COL28A1: variants seen among roughly 807,000 people sequenced by gnomAD.
The protein encoded by COL28A1 is collagen type XXVIII alpha 1 chain, also known as collagen alpha-1(XXVIII) chain.
Under a neutral mutation model 150.2 loss-of-function variants are expected in COL28A1, and 161 were observed. The ratio of observed to expected loss-of-function variants is 1.07; its 90% CI spans 0.94 to 1.22. COL28A1 has a LOEUF of 1.22. Ranked by LOEUF, COL28A1 falls within the 50% of genes most tolerant of loss-of-function variation. The pLI, the probability that COL28A1 is intolerant of heterozygous loss-of-function variation, is 0.00. For synonymous variants in COL28A1, 552 were observed against 469.7 expected (o/e 1.18, Z -2.26); for missense variants, 1,617 against 1,388.3 (o/e 1.16, Z -2.62).
At chr7:7,508,520 C>A (rs939525274) in intron 9 of COL28A1, among the ~76,000 whole-genome samples, 2 of 152,192 alleles carry the variant, frequency 1.3e-5, no homozygotes, top group African/African-American at 4.8e-5. Context: ...GAAACTTCCT[C>A]CATAAAGTTT....
chr7:7,500,915 G>A (rs1345114953), intron 11 of COL28A1, among the ~76,000 whole-genome samples: 1 of 152,176 alleles, frequency 6.6e-6, no homozygotes, highest in East Asian at 1.9e-4. Flanking sequence ...AATATATCAT[G>A]TACTACCCTC....
At chr7:7,480,714 G>A (rs996808857) in intron 13 of COL28A1, among the ~76,000 whole-genome samples, 3 of 152,098 alleles carry the variant, frequency 2.0e-5, no homozygotes, top group African/African-American at 7.2e-5. Context: ...CTTCTAGCAG[G>A]TAAACGGCAT....
At chr7:7,454,879 A>G (rs953257666) in intron 16 of COL28A1, among the ~76,000 whole-genome samples, 5 of 152,188 alleles carry the variant, frequency 3.3e-5, no homozygotes, top group African/African-American at 1.2e-4. Context: ...TTATTATCTA[A>G]ATATTTATTT....
chr7:7,503,130 G>C (rs1303503058), intron 11 of COL28A1, among the ~76,000 whole-genome samples: 1 of 152,076 alleles, frequency 6.6e-6, no homozygotes, highest in Non-Finnish European at 1.5e-5. Flanking sequence ...ATTTATTTCA[G>C]GCCAAATATT....
intron 25 of COL28A1, 59 bp from the exon 26 acceptor site, chr7:7,420,012 A>C: frequency 8.7e-7 from 1 of 1,146,074 alleles, no homozygotes; most frequent in Admixed American, 2.9e-5. Flanking sequence ...TGTTTTTTTC[A>C]ATATATATAT....
chr7:7,475,133 T>C (rs991645382), intron 14 of COL28A1, among the ~76,000 whole-genome samples: 1 of 152,192 alleles, frequency 6.6e-6, no homozygotes, highest in Non-Finnish European at 1.5e-5. Context: ...TAAACATTCA[T>C]TGAAAATTTA....
intron 27 of COL28A1, among the ~76,000 whole-genome samples, chr7:7,415,064 G>C (rs1441882709): frequency 6.6e-6 from 1 of 152,232 alleles, no homozygotes; most frequent in Non-Finnish European, 1.5e-5. Flanking sequence ...TGGCTGAAGA[G>C]CCAATATTCT....
chr7:7,491,523 T>G (rs893079217), intron 11 of COL28A1, among the ~76,000 whole-genome samples: 1 of 152,274 alleles, frequency 6.6e-6, no homozygotes, highest in Non-Finnish European at 1.5e-5. Context: ...GTTCTCATGA[T>G]TTAAGCCACT....
intron 11 of COL28A1, among the ~76,000 whole-genome samples, chr7:7,502,507 G>A (rs955946108): frequency 2.6e-5 from 4 of 152,116 alleles, no homozygotes; most frequent in Admixed American, 2.0e-4. Context: ...GAAAGTGAGC[G>A]TAATTCAAGA....
At chr7:7,481,194 G>A (rs938855480) in intron 13 of COL28A1, among the ~76,000 whole-genome samples, 5 of 152,186 alleles carry the variant, frequency 3.3e-5, no homozygotes, top group African/African-American at 4.8e-5. Context: ...TCTAGAGTAC[G>A]TTAGCTAAAC....
intron 21 of COL28A1, 59 bp from the exon 22 acceptor site, chr7:7,437,521 T>C: frequency 1.3e-6 from 2 of 1,567,692 alleles, no homozygotes; most frequent in South Asian, 1.2e-5. Flanking sequence ...ATAGAGACAA[T>C]ATTAAGAAAA....
intron 13 of COL28A1, among the ~76,000 whole-genome samples, chr7:7,478,453 C>T (rs1375245488): frequency 6.6e-6 from 1 of 152,268 alleles, no homozygotes; most frequent in Non-Finnish European, 1.5e-5. Flanking sequence ...CTCCAAGTCC[C>T]CACTAGACCC....
chr7:7,362,270 T>C (rs1216134231), intron 33 of COL28A1, among the ~76,000 whole-genome samples: 2 of 152,230 alleles, frequency 1.3e-5, no homozygotes, highest in African/African-American at 4.8e-5. Flanking sequence ...AAATTTTTCC[T>C]TGGATTCCAG....
intron 12 of COL28A1, among the ~76,000 whole-genome samples, 164 bp downstream of exon 12, chr7:7,490,414 C>G (rs1779853459): frequency 6.6e-6 from 1 of 152,140 alleles, no homozygotes. Flanking sequence ...TGGTAACTGC[C>G]CCTGACAAGC....
chr7:7,437,794 T>A (rs1490941862), intron 21 of COL28A1, among the ~76,000 whole-genome samples: 1 of 151,874 alleles, frequency 6.6e-6, no homozygotes, highest in African/African-American at 2.4e-5. Context: ...TCAAAGAGAA[T>A]TTTTTTTTCA....
At chr7:7,527,139 G>T (rs896356479) in intron 3 of COL28A1, among the ~76,000 whole-genome samples, 2 of 152,142 alleles carry the variant, frequency 1.3e-5, no homozygotes, top group African/African-American at 4.8e-5. Flanking sequence ...TTTTGTGTTT[G>T]CTGGAATTTA....
intron 23 of COL28A1, among the ~76,000 whole-genome samples, chr7:7,434,778 T>C (rs778323557): frequency 4.3e-4 from 65 of 152,240 alleles, no homozygotes; most frequent in Non-Finnish European, 6.9e-4. Flanking sequence ...CATATTTTTA[T>C]AGATGGAATT....
intron 11 of COL28A1, among the ~76,000 whole-genome samples, chr7:7,501,785 C>G (rs575249609): frequency 1.3e-5 from 2 of 152,322 alleles, no homozygotes; most frequent in Non-Finnish European, 2.9e-5. Flanking sequence ...AGTCTTTCCT[C>G]AGAGCATAGC....
chr7:7,426,740 C>T (rs958131216), intron 25 of COL28A1, among the ~76,000 whole-genome samples: 3 of 152,192 alleles, frequency 2.0e-5, no homozygotes, highest in Non-Finnish European at 4.4e-5. Flanking sequence ...TAGTCCCTGA[C>T]AATTTTAAAA....
Sources: gnomAD v4.1 joint callset for allele counts (sites outside exome capture counted in the v4.1 genomes callset) on GRCh38, gnomAD v4.1.1 for gene constraint, MANE v1.5 for transcripts, NCBI Gene and HGNC (gene_info 2026-07-23, HGNC 2026-07-21) for gene names.